ARHGEF12: variants seen among roughly 807,000 people sequenced by gnomAD.
ARHGEF12 encodes the protein KMT2A/ARHGEF12 fusion protein.
Under a neutral mutation model 211.2 loss-of-function variants are expected in ARHGEF12, and 66 were observed. The observed-to-expected ratio is 0.31, with a 90% CI of 0.26 to 0.38. The LOEUF is 0.38. Ranked by LOEUF, ARHGEF12 falls within the 10% of genes least tolerant of loss-of-function variation. The pLI, the probability that ARHGEF12 is intolerant of heterozygous loss-of-function variation, is 1.00. For synonymous variants in ARHGEF12, 592 were observed against 638.4 expected (o/e 0.93, Z 1.09); for missense variants, 1,429 against 1,869.5 (o/e 0.76, Z 4.34).
chr11:120,439,423 C>G (rs1945797073), intron 12 of ARHGEF12: 1 of 152,208 alleles, frequency 6.6e-6, no homozygotes, highest in African/African-American at 2.4e-5. Context: ...CAGCTGGCAT[C>G]TGGTGGGTGC....
intron 4 of ARHGEF12, among the ~76,000 whole-genome samples, chr11:120,416,517 A>T (rs1168410012): frequency 6.6e-6 from 1 of 152,174 alleles, no homozygotes; most frequent in Non-Finnish European, 1.5e-5. Context: ...TTTCTTAAGG[A>T]CGTCCAGCTG....
rs1171287104 is a variant in ARHGEF12, at chr11:120,477,146, G to C, written c.3366-73G>C. The C allele has an allele frequency of 4.2e-6, 5 of 1,193,964 alleles. No individual in the cohort carries two copies. The African/African-American group carries it at 7.7e-5, about 18-fold the overall frequency. 74.0% of individuals were successfully genotyped at this position (1,193,964 alleles called of 1,614,324 possible). A position where few individuals can be genotyped will look rare whatever the true frequency, so the allele number is the denominator to read the frequency against. ...GTTGATTTGGTTTTTGTTTAGTTTT[G>C]CTTTCTGAGTATATTTAAAGGATAT... On this transcript the variant is annotated intron_variant, in intron 34 of 40. Coordinates refer to ENST00000397843, the MANE Select transcript of ARHGEF12 (RefSeq NM_015313.3).
intron 1 of ARHGEF12, among the ~76,000 whole-genome samples, chr11:120,394,584 A>G (rs2135513637): frequency 6.6e-6 from 1 of 152,110 alleles, no homozygotes; most frequent in Admixed American, 6.5e-5. Context: ...AGCAGGAATC[A>G]CTGAAGCAGA....
At chr11:120,449,670 GC>G (rs1946146881) in intron 21 of ARHGEF12, 1 of 152,154 alleles carries the variant, frequency 6.6e-6, no homozygotes, top group African/African-American at 2.4e-5. Flanking sequence ...CTGCACTCAA[GC>G]CTGGGTGACA....
At chr11:120,474,763 T>C (rs796161731) in intron 32 of ARHGEF12, 128 bp downstream of exon 32, 15 of 620,516 alleles carry the variant, frequency 2.4e-5, no homozygotes, top group African/African-American at 2.4e-4. Context: ...CTCGTGTTAT[T>C]TGTACATTTG....
intron 1 of ARHGEF12, among the ~76,000 whole-genome samples, chr11:120,383,337 GT>G (rs1180968673): frequency 6.6e-6 from 1 of 152,136 alleles, no homozygotes; most frequent in African/African-American, 2.4e-5. Context: ...GACTGGGAGG[GT>G]GTTCGGGGGA....
intron 32 of ARHGEF12, 54 bp from the exon 33 acceptor site, chr11:120,475,286 C>A: frequency 1.3e-6 from 2 of 1,503,848 alleles, no homozygotes; most frequent in Non-Finnish European, 1.8e-6. Flanking sequence ...TAAAGTTAAT[C>A]AAACGCGTCT....
Position 120,465,280 on chromosome 11 carries a change from C to T in ARHGEF12, c.2657C>T (p.Thr886Ile). The change falls in exon 28 of 41, where the codon ACC (threonine) becomes ATC (isoleucine). Residue 886 changes from threonine (T) to isoleucine (I), a missense_variant. Physicochemically the swap from Thr to Ile is moderately conservative, Grantham distance 89 (BLOSUM62 -1). Around this residue, in one of 7 missense-constraint regions of ARHGEF12, gnomAD observed 223 missense variants for 444.6 expected, o/e 0.50. Transcript: ENST00000397843. ...GEEKLKHAAATFCSNQPFALE... is the reference protein window; with the variant it reads ...GEEKLKHAAAIFCSNQPFALE... ...GAGAAATTGAAACATGCTGCTGCTA[C>T]CTTTTGCAGTAACCAACCTTTCGCC... is the stretch of plus-strand genomic sequence containing the variant. 1 of 1,614,126 alleles carries T rather than the reference C, an allele frequency of 6.2e-7. No homozygotes were observed. Among genetic ancestry groups the T allele is most frequent in the South Asian group, 1.1e-5 (1 of 91,080 alleles).
At chr11:120,364,757 T>G (rs2135380250) in intron 1 of ARHGEF12, among the ~76,000 whole-genome samples, 1 of 152,266 alleles carries the variant, frequency 6.6e-6, no homozygotes, top group Admixed American at 6.5e-5. Flanking sequence ...ATAATGCCAG[T>G]TACATTTTTA....
At chr11:120,384,765 C>T (rs984198438) in intron 1 of ARHGEF12, among the ~76,000 whole-genome samples, 1 of 152,122 alleles carries the variant, frequency 6.6e-6, no homozygotes, top group Admixed American at 6.6e-5. Flanking sequence ...TTTAATTAGG[C>T]TTATTGGGGC....
chr11:120,364,135 C>A (rs556669861), intron 1 of ARHGEF12, among the ~76,000 whole-genome samples: 1 of 152,058 alleles, frequency 6.6e-6, no homozygotes, highest in Non-Finnish European at 1.5e-5. Context: ...TTCCCAATAC[C>A]TGGAAGAAGA....
chr11:120,338,530 G>T (rs921750918), intron 1 of ARHGEF12, among the ~76,000 whole-genome samples: 1 of 152,062 alleles, frequency 6.6e-6, no homozygotes, highest in Non-Finnish European at 1.5e-5. Context: ...TTCAAAGTGG[G>T]TTTTCATTTT....
At chr11:120,358,983 G>T (rs1473867274) in intron 1 of ARHGEF12, among the ~76,000 whole-genome samples, 1 of 152,100 alleles carries the variant, frequency 6.6e-6, no homozygotes, top group Non-Finnish European at 1.5e-5. Context: ...AGTGCTGATT[G>T]TTGGTAGGAA....
chr11:120,385,895 A>G (rs1421369741), intron 1 of ARHGEF12, among the ~76,000 whole-genome samples: 2 of 152,132 alleles, frequency 1.3e-5, no homozygotes, highest in Non-Finnish European at 1.5e-5. Flanking sequence ...TAATTATCTC[A>G]TGCTTCAGGA....
At chr11:120,353,589 C>T (rs368750541) in intron 1 of ARHGEF12, among the ~76,000 whole-genome samples, 2 of 152,186 alleles carry the variant, frequency 1.3e-5, no homozygotes, top group Non-Finnish European at 2.9e-5. Flanking sequence ...GAGCCCTCCT[C>T]GATAGGGATA....
chr11:120,452,954 C>T (rs1055133640), intron 22 of ARHGEF12, among the ~76,000 whole-genome samples: 3 of 149,696 alleles, frequency 2.0e-5, no homozygotes, highest in South Asian at 2.2e-4. Flanking sequence ...GAGCCAAGAT[C>T]GTGCCAATGC....
chr11:120,480,138 T>C lies in ARHGEF12; in HGVS notation c.3945T>C (p.Phe1315=), dbSNP rs771977767. ...AYHSGEGHMP[F]RTGTGDIATC... ...ATTCTGGTGAAGGACATATGCCCTT[T>C]AGAACTGGAACTGGTGACATTGCAA... Residue 1315 remains phenylalanine, a synonymous_variant, in exon 38 of 41, where the codon TTT becomes TTC. Transcript: ENST00000397843. The C allele has an allele frequency of 2.5e-6, 4 of 1,614,078 alleles. No individual in the cohort carries two copies. The highest frequency in any genetic ancestry group is 2.2e-5 in the East Asian group (1 of 44,896).
At chr11:120,443,589 T>C (rs1053031750) in intron 15 of ARHGEF12, among the ~76,000 whole-genome samples, 2 of 152,206 alleles carry the variant, frequency 1.3e-5, no homozygotes, top group African/African-American at 2.4e-5. Flanking sequence ...CACTTTCACA[T>C]TCAATTACCT....
intron 4 of ARHGEF12, among the ~76,000 whole-genome samples, chr11:120,415,869 C>T (rs552519412): frequency 6.6e-6 from 1 of 152,240 alleles, no homozygotes; most frequent in South Asian, 2.1e-4. Context: ...ATTTAAAGTA[C>T]ATGTTAAAGT....
Sources: gnomAD v4.1 joint callset for allele counts (sites outside exome capture counted in the v4.1 genomes callset) on GRCh38, gnomAD v4.1.1 for gene constraint, gnomAD v4.1.1 regional missense constraint, MANE v1.5 for transcripts, NCBI Gene and HGNC (gene_info 2026-07-23, HGNC 2026-07-21) for gene names.